Variants in HIP1 observed in about 807,000 individuals in gnomAD.
HIP1 encodes the protein huntingtin interacting protein 1.
A neutral mutation model predicts 147.6 loss-of-function variants in HIP1; 65 were observed. The ratio of observed to expected loss-of-function variants is 0.44; its 90% CI spans 0.36 to 0.54. HIP1 has a LOEUF of 0.54. HIP1 is among the 20% of genes least tolerant of loss of function. The pLI is 0.00. For synonymous variants in HIP1, 479 were observed against 504.0 expected (o/e 0.95, Z 0.67); for missense variants, 1,061 against 1,299.6 (o/e 0.82, Z 2.82).
chr7:75,551,440 C>T (rs1794780559), intron 22 of HIP1, among the ~76,000 whole-genome samples: 1 of 151,846 alleles, frequency 6.6e-6, no homozygotes, highest in South Asian at 2.1e-4. Flanking sequence ...GTCTCAAACT[C>T]CTGGCCTCAA....
intron 1 of HIP1, among the ~76,000 whole-genome samples, chr7:75,674,500 T>TTTTTTTTTGTTTTTTTTTG (rs1554515725): frequency 1.1e-4 from 13 of 114,310 alleles, no homozygotes; most frequent in Non-Finnish European, 2.2e-4. Context: ...CGGCTTTTTG[T>TTTTTTTTTGTTTTTTTTTG]TTTTTTTTTT....
At chr7:75,542,818 T>C (rs2116735321) in intron 28 of HIP1, 33 bp downstream of exon 28, 1 of 1,610,542 alleles carries the variant, frequency 6.2e-7, no homozygotes, top group East Asian at 2.2e-5. Flanking sequence ...CTCAACAGGG[T>C]GGGTAAGAAA....
At chr7:75,578,638 A>G (rs1409100901) in intron 7 of HIP1, among the ~76,000 whole-genome samples, 2 of 152,136 alleles carry the variant, frequency 1.3e-5, no homozygotes, top group East Asian at 1.9e-4. Context: ...GAATCGCACC[A>G]CTGCATTCCA....
chr7:75,570,938 AG>A (rs2116878411), intron 8 of HIP1, among the ~76,000 whole-genome samples: 1 of 152,186 alleles, frequency 6.6e-6, no homozygotes, highest in East Asian at 1.9e-4. Context: ...TGAACCTGGG[AG>A]ATGGAGGTTG....
chr7:75,573,405 C>T (rs1554497047), intron 8 of HIP1, among the ~76,000 whole-genome samples: 2 of 152,200 alleles, frequency 1.3e-5, no homozygotes, highest in Non-Finnish European at 1.5e-5. Context: ...CAATAAAGCT[C>T]CTCTTCATCT....
At chr7:75,629,858 G>C (rs587636323) in intron 1 of HIP1, among the ~76,000 whole-genome samples, 1 of 152,228 alleles carries the variant, frequency 6.6e-6, no homozygotes, top group African/African-American at 2.4e-5. Flanking sequence ...CCTTCTTAAA[G>C]CACAGCTCTT....
intron 7 of HIP1, among the ~76,000 whole-genome samples, chr7:75,579,344 C>G (rs1173277196): frequency 6.6e-6 from 1 of 151,922 alleles, no homozygotes; most frequent in Non-Finnish European, 1.5e-5. Flanking sequence ...GAGACAGAAT[C>G]TTGCTCACTG....
At chr7:75,583,366 T>A (rs1297796165) in intron 5 of HIP1, among the ~76,000 whole-genome samples, 2 of 152,148 alleles carry the variant, frequency 1.3e-5, no homozygotes, top group Non-Finnish European at 2.9e-5. Flanking sequence ...GGTGTCACTA[T>A]GCATTCACGC....
At chr7:75,622,848 A>AT (rs1462144063) in intron 1 of HIP1, among the ~76,000 whole-genome samples, 1 of 136,100 alleles carries the variant, frequency 7.3e-6, no homozygotes, top group Non-Finnish European at 1.6e-5. Context: ...CAAATAAATA[A>AT]TTATCTATCT....
intron 1 of HIP1, among the ~76,000 whole-genome samples, chr7:75,687,886 T>C (rs986924546): frequency 1.3e-5 from 2 of 152,024 alleles, no homozygotes; most frequent in Admixed American, 6.6e-5. Context: ...CTCCCATGCC[T>C]CCAGGCCTTT....
intron 29 of HIP1, among the ~76,000 whole-genome samples, chr7:75,540,343 C>G (rs1554489609): frequency 6.6e-6 from 1 of 150,608 alleles, no homozygotes; most frequent in South Asian, 2.1e-4. Context: ...GTAGGAGAAT[C>G]GCTTGAACCT....
intron 20 of HIP1, 54 bp from the exon 21 acceptor site, chr7:75,554,274 A>G: frequency 6.8e-7 from 1 of 1,471,386 alleles, no homozygotes; most frequent in East Asian, 2.3e-5. Flanking sequence ...TGACACTTTC[A>G]TACCCTCTCC....
At chr7:75,693,172 A>G (rs1034578915) in intron 1 of HIP1, among the ~76,000 whole-genome samples, 10 of 152,092 alleles carry the variant, frequency 6.6e-5, no homozygotes, top group Non-Finnish European at 1.3e-4. Context: ...CTCAAAAAAA[A>G]AAAAAAAATT....
intron 1 of HIP1, among the ~76,000 whole-genome samples, chr7:75,629,585 C>T (rs1458629066): frequency 9.2e-5 from 14 of 151,812 alleles, no homozygotes; most frequent in South Asian, 8.3e-4. Flanking sequence ...CTCTGTCGCC[C>T]AGGCTGCAGT....
chr7:75,677,376 C>A (rs1055945484), intron 1 of HIP1, among the ~76,000 whole-genome samples: 2 of 150,728 alleles, frequency 1.3e-5, no homozygotes, highest in Non-Finnish European at 1.5e-5. Context: ...GAGGCCAAAG[C>A]GAGTTGATAA....
intron 1 of HIP1, among the ~76,000 whole-genome samples, chr7:75,715,456 C>G (rs1012378286): frequency 1.6e-4 from 23 of 143,600 alleles, no homozygotes; most frequent in East Asian, 4.1e-4. Flanking sequence ...GAGAGACACA[C>G]ACAGAGAGAG....
chr7:75,638,776 G>A lies in HIP1; in HGVS notation c.121-39529C>T, dbSNP rs1033956321. 1.8e-4 allele frequency among the ~76,000 whole-genome samples: 28 copies of A among 152,202 alleles called. No homozygotes were observed. The East Asian group carries it at 5.1e-3, about 27-fold the overall frequency. Reference sequence around the variant, plus strand: ...CGGCAGGTCTCCCGAGGTGGGCGGCGAGCCCCGCAGCCCAGTCCCTGGAGT... The same window carrying A: ...CGGCAGGTCTCCCGAGGTGGGCGGCAAGCCCCGCAGCCCAGTCCCTGGAGT... On this transcript the variant is annotated intron_variant, in intron 1 of 30. Coordinates refer to ENST00000336926, the MANE Select transcript of HIP1 (RefSeq NM_005338.7).
chr7:75,574,581 C>T (rs794350), intron 7 of HIP1, among the ~76,000 whole-genome samples: 12,107 of 134,766 alleles, frequency 0.09, 526 homozygotes, highest in South Asian at 0.17. Context: ...AAGAGTAAGA[C>T]ACCATCTCAA....
chr7:75,545,863 C>T (rs1794541748), intron 25 of HIP1, among the ~76,000 whole-genome samples: 1 of 152,132 alleles, frequency 6.6e-6, no homozygotes, highest in South Asian at 2.1e-4. Flanking sequence ...ATCGCTTGAA[C>T]CCAGGAGGCA....
Sources: allele counts gnomAD v4.1 joint callset (sites outside exome capture counted in the v4.1 genomes callset), GRCh38; gene constraint gnomAD v4.1.1; transcripts MANE v1.5; gene names NCBI Gene and HGNC (gene_info 2026-07-23, HGNC 2026-07-21).